The following RIOK1 variants were observed in gnomAD, a reference collection of about 807,000 sequenced individuals.
RIOK1 encodes serine/threonine-protein kinase RIO1.
In RIOK1, 66 loss-of-function variants were observed where a neutral mutation model predicts 73.5. The ratio of observed to expected loss-of-function variants is 0.90; its 90% confidence interval spans 0.74 to 1.10. The LOEUF (loss-of-function observed/expected upper bound fraction) is 1.10, where lower values mean the gene tolerates loss of function less well. Ranked by LOEUF, RIOK1 falls within the 50% of genes least tolerant of loss-of-function variation. The pLI is 0.00. For missense variants in RIOK1, 658 were observed against 699.8 expected, an observed-to-expected ratio of 0.94 and a Z score of 0.67; for synonymous variants, 224 against 226.8, an observed-to-expected ratio of 0.99 and a Z score of 0.11.
intron 4 of RIOK1, among the ~76,000 whole-genome samples, chr6:7,397,937 C>G (rs1761513677): frequency 6.6e-6 from 1 of 152,082 alleles, no homozygotes; most frequent in Non-Finnish European, 1.5e-5. Flanking sequence ...GTCAGGAGAT[C>G]GAGACCATCT....
intron 6 of RIOK1, 105 bp from the exon 7 acceptor site, chr6:7,402,498 G>A: frequency 1.4e-6 from 1 of 712,458 alleles, no homozygotes. Flanking sequence ...TATTCCTTAT[G>A]CATGTTATTT....
rs1443432888 is a variant in RIOK1 at position 7,404,950 on chromosome 6, T to C, written c.1025T>C (p.Val342Ala). ...YHGGGVYIID[V>A]SQSVEHDHPH... ...GGTGGAGGCGTGTATATCATTGACG[T>C]GTCTCAGTCCGTGGAGCACGACCAC... The change falls in exon 11 of 17, where the codon GTG (valine) becomes GCG (alanine). Residue 342 changes from valine (V) to alanine (A), a missense_variant. Transcript: ENST00000379834. The C allele has an allele frequency of 6.2e-7, 1 of 1,614,066 alleles. No homozygotes were observed. The highest frequency in any genetic ancestry group is 8.5e-7 in the Non-Finnish European group (1 of 1,180,026).
chr6:7,415,776 C>A (rs1761985413), intron 16 of RIOK1, among the ~76,000 whole-genome samples: 1 of 152,136 alleles, frequency 6.6e-6, no homozygotes, highest in Admixed American at 6.5e-5. Flanking sequence ...AGAAAAATTA[C>A]CAGAGAGGCT....
chr6:7,396,674 G>T, intron 3 of RIOK1, 29 bp from the exon 4 acceptor site: 4 of 1,421,866 alleles, frequency 2.8e-6, no homozygotes, highest in Non-Finnish European at 4.0e-6. Context: ...CTTACATATT[G>T]TTTACATTGT....
At chr6:7,401,329 A>G (rs1241830896) in intron 6 of RIOK1, among the ~76,000 whole-genome samples, 17 of 152,178 alleles carry the variant, frequency 1.1e-4, no homozygotes, top group Admixed American at 1.1e-3. Flanking sequence ...TCATGGGGCC[A>G]GGGGTTTATG....
chr6:7,394,736 A>G (rs1233866897), intron 2 of RIOK1, among the ~76,000 whole-genome samples: 5 of 152,214 alleles, frequency 3.3e-5, no homozygotes, highest in African/African-American at 9.6e-5. Context: ...GTAAATGAAC[A>G]TTCTCAAATT....
chr6:7,407,487 CTTT>C (rs759245691), intron 12 of RIOK1, among the ~76,000 whole-genome samples: 2 of 140,324 alleles, frequency 1.4e-5, no homozygotes, highest in Admixed American at 7.1e-5. Context: ...GGAGAAATGT[CTTT>C]TTTTTTTTTT....
intron 6 of RIOK1, among the ~76,000 whole-genome samples, 160 bp from the exon 7 acceptor site, chr6:7,402,443 G>A (rs1761635084): frequency 6.6e-6 from 1 of 152,166 alleles, no homozygotes; most frequent in Non-Finnish European, 1.5e-5. Context: ...CTGTCCTTTT[G>A]ATGTAATGTT....
At position 7,405,444 on chromosome 6, in the gene RIOK1, G is replaced by C. The variant is rs539862114; in HGVS notation, c.1203+89G>C. ...AGTGCTTGGGACCAGAAGTGTTTTGGATTTTGGATTTTTTCCAGTTTTGAA... is the reference window on the plus strand; with the variant it reads ...AGTGCTTGGGACCAGAAGTGTTTTGCATTTTGGATTTTTTCCAGTTTTGAA... On this transcript the variant is annotated intron_variant, in intron 12 of 16. Transcript: ENST00000379834. 1.1e-4 allele frequency: 82 copies of C among 768,096 alleles called. 2 individuals carry two copies. In the South Asian group the frequency reaches 1.4e-3, roughly 13 times the overall value. 47.6% of individuals were successfully genotyped at this position (768,096 alleles called of 1,614,324 possible).
chr6:7,402,737 C>T (rs1366214638), intron 7 of RIOK1, 22 bp downstream of exon 7: 3 of 1,604,992 alleles, frequency 1.9e-6, no homozygotes. Flanking sequence ...TTTTTCCCTC[C>T]AGTTGGTTTA....
At chr6:7,402,794 A>G (rs767682904) in intron 7 of RIOK1, 23 bp from the exon 8 acceptor site, 1 of 1,605,598 alleles carries the variant, frequency 6.2e-7, no homozygotes. Flanking sequence ...TGATTGAAAT[A>G]ATAAACATTT....
At position 7,391,361 on chromosome 6, in the gene RIOK1, G is replaced by A. The variant is rs996398358; in HGVS notation, c.71+1288G>A. Among the ~76,000 whole-genome samples, 8 of 152,258 alleles carry A rather than the reference G, an allele frequency of 5.3e-5. 1 individual carries two copies. The South Asian group carries it at 1.7e-3, about 32-fold the overall frequency. On this transcript the variant is annotated intron_variant, in intron 1 of 16. Transcript: ENST00000379834. Reference sequence around the variant, plus strand: ...ATTCGAATTGGGTAAGTAGTACAAAGGAGAAGTGGGGGAAAAATAGGGAAG... The same window carrying A: ...ATTCGAATTGGGTAAGTAGTACAAAAGAGAAGTGGGGGAAAAATAGGGAAG...
chr6:7,392,959 C>T, intron 1 of RIOK1, 140 bp from the exon 2 acceptor site: 1 of 1,325,284 alleles, frequency 7.5e-7, no homozygotes, highest in Non-Finnish European at 9.6e-7. Flanking sequence ...GGAGATGGAG[C>T]TTATCGGAAG....
intron 6 of RIOK1, among the ~76,000 whole-genome samples, chr6:7,401,912 G>A (rs1228340447): frequency 6.6e-6 from 1 of 151,948 alleles, no homozygotes; most frequent in Non-Finnish European, 1.5e-5. Flanking sequence ...TTTTTGGCCT[G>A]AAGTGATTCA....
chr6:7,413,775 T>C (rs1361972150), intron 15 of RIOK1, among the ~76,000 whole-genome samples: 2 of 152,248 alleles, frequency 1.3e-5, no homozygotes, highest in African/African-American at 4.8e-5. Flanking sequence ...AGACAACTGC[T>C]GAATTTCAGG....
At chr6:7,409,621 G>C (rs1761836838) in intron 12 of RIOK1, among the ~76,000 whole-genome samples, 1 of 151,406 alleles carries the variant, frequency 6.6e-6, no homozygotes, top group Admixed American at 6.6e-5. Flanking sequence ...CCTGTAATTA[G>C]ACTGCACCTG....
At chr6:7,406,496 C>T (rs994494893) in intron 12 of RIOK1, among the ~76,000 whole-genome samples, 1 of 152,162 alleles carries the variant, frequency 6.6e-6, no homozygotes, top group Non-Finnish European at 1.5e-5. Flanking sequence ...GTAACAACTT[C>T]CCATCCCCTG....
At position 7,414,615 on chromosome 6, in the gene RIOK1, G is replaced by A. The variant is rs560116587; in HGVS notation, c.1596+225G>A. 1.2e-4 allele frequency among the ~76,000 whole-genome samples: 18 copies of A among 152,228 alleles called. No homozygotes were observed. The South Asian group carries it at 1.2e-3, about 11-fold the overall frequency. On this transcript the variant is annotated intron_variant, in intron 16 of 16. Transcript: ENST00000379834. ...CTTGGGCATTGCCTAGAGAGAGCAC[G>A]CACTAAATTCAGTACATTTCACATG...
chr6:7,405,848 A>G (rs560590635), intron 12 of RIOK1, among the ~76,000 whole-genome samples: 3 of 145,884 alleles, frequency 2.1e-5, no homozygotes, highest in African/African-American at 7.7e-5. Flanking sequence ...TTTTACTTCA[A>G]TTATCTGGCA....
Sources: gnomAD v4.1 joint callset for allele counts (sites outside exome capture counted in the v4.1 genomes callset) on GRCh38, gnomAD v4.1.1 for gene constraint, MANE v1.5 for transcripts, NCBI Gene and HGNC (gene_info 2026-07-23, HGNC 2026-07-21) for gene names.